Variants in NKAIN3 observed in about 807,000 individuals in gnomAD.
The protein encoded by NKAIN3 is sodium/potassium transporting ATPase interacting 3, also known as sodium/potassium-transporting ATPase subunit beta-1-interacting protein 3.
In NKAIN3, 25 loss-of-function variants were observed where a neutral mutation model predicts 30.2. That is an observed-to-expected ratio of 0.83 (90% CI 0.60 to 1.16). NKAIN3 has a LOEUF of 1.16. Ranked by LOEUF, NKAIN3 falls within the 50% of genes most tolerant of loss-of-function variation. The pLI is 0.00. For missense variants in NKAIN3, 225 were observed against 254.1 expected (o/e 0.89, Z 0.78); for synonymous variants, 91 against 89.6 (o/e 1.02, Z -0.09).
Position 62,978,952 on chromosome 8 carries a change from C to T in NKAIN3, c.*13545C>T, listed in dbSNP as rs953179469. 6.5e-6 allele frequency: 1 copy of T among 152,938 alleles called. No homozygotes were observed. The highest frequency in any genetic ancestry group is 2.4e-5 in the African/African-American group (1 of 41,398). 9.5% of individuals were successfully genotyped at this position (152,938 alleles called of 1,614,324 possible). On this transcript the variant is annotated 3_prime_UTR_variant, in exon 7 of 7. Transcript: ENST00000623646. Reference sequence around the variant, plus strand: ...TCACGGCATGGTCCCTCATGGCTTCCCTTGGCTAGGGGAGGGAGTTCCCCA... The same window carrying T: ...TCACGGCATGGTCCCTCATGGCTTCTCTTGGCTAGGGGAGGGAGTTCCCCA...
chr8:62,553,596 G>T (rs1229737088), intron 1 of NKAIN3, among the ~76,000 whole-genome samples: 1 of 151,368 alleles, frequency 6.6e-6, no homozygotes, highest in Non-Finnish European at 1.5e-5. Context: ...GAGTACAGTG[G>T]CGCGATCTCG....
rs1563652418 is a variant in NKAIN3 at position 62,977,347 on chromosome 8, G to C, written c.*11940G>C. Among the ~76,000 whole-genome samples the C allele has an allele frequency of 6.6e-6, 1 of 151,842 alleles. No individual in the cohort carries two copies. Among genetic ancestry groups the C allele is most frequent in the African/African-American group, 2.4e-5 (1 of 41,324 alleles). On this transcript the variant is annotated 3_prime_UTR_variant, in exon 7 of 7. Coordinates refer to ENST00000623646, the MANE Select transcript of NKAIN3 (RefSeq NM_001304533.3). ...AGGTACACCAATCAAACGTTGGCTT[G>C]GTCTTTTCACATAGTCCCATATTTC...
Position 62,309,795 on chromosome 8 carries a change from C to G in NKAIN3, c.54+60668C>G, listed in dbSNP as rs147374702. 2.0e-3 allele frequency among the ~76,000 whole-genome samples: 296 copies of G among 150,468 alleles called. 3 individuals are homozygous for G. Among genetic ancestry groups the G allele is most frequent in the Middle Eastern group, 3.4e-3 (1 of 294 alleles). On this transcript the variant is annotated intron_variant, in intron 1 of 6. Coordinates refer to ENST00000623646, the MANE Select transcript of NKAIN3 (RefSeq NM_001304533.3). ...AAGGACTCTTAGATCTTTGAAGCAG[C>G]CATGATAGCTTATAGTGAAACTTTT... is the stretch of plus-strand genomic sequence containing the variant.
intron 4 of NKAIN3, among the ~76,000 whole-genome samples, chr8:62,890,855 T>G (rs559508193): frequency 3.3e-5 from 5 of 152,368 alleles, no homozygotes; most frequent in Middle Eastern, 3.4e-3. Context: ...CCGCACCATT[T>G]GCTAATGTGG....
intron 1 of NKAIN3, among the ~76,000 whole-genome samples, chr8:62,450,077 A>G (rs1329930540): frequency 1.3e-5 from 2 of 152,224 alleles, no homozygotes. Context: ...TGCTAAAAAC[A>G]TACATAAGGA....
chr8:62,729,987 C>T (rs752984456), intron 3 of NKAIN3, among the ~76,000 whole-genome samples: 14 of 152,072 alleles, frequency 9.2e-5, no homozygotes, highest in Non-Finnish European at 1.6e-4. Flanking sequence ...TAAGATTGGC[C>T]GTTGTCCTGC....
chr8:62,295,997 C>A (rs1169933335), intron 1 of NKAIN3, among the ~76,000 whole-genome samples: 1 of 152,160 alleles, frequency 6.6e-6, no homozygotes, highest in Admixed American at 6.5e-5. Flanking sequence ...TAAAGCTAGT[C>A]CATATTTTTG....
intron 3 of NKAIN3, among the ~76,000 whole-genome samples, chr8:62,673,254 A>G (rs1221025686): frequency 6.6e-6 from 1 of 152,246 alleles, no homozygotes; most frequent in East Asian, 1.9e-4. Flanking sequence ...ATGTCTAAAG[A>G]CAATGGCAAT....
intron 6 of NKAIN3, among the ~76,000 whole-genome samples, chr8:62,958,850 A>G (rs527448582): frequency 6.6e-6 from 1 of 152,324 alleles, no homozygotes; most frequent in Non-Finnish European, 1.5e-5. Flanking sequence ...AGTTTATCAA[A>G]GAAGGACAGC....
chr8:62,951,881 A>T (rs1256332850), intron 5 of NKAIN3, among the ~76,000 whole-genome samples: 1 of 151,906 alleles, frequency 6.6e-6, no homozygotes, highest in Non-Finnish European at 1.5e-5. Context: ...GCTCACTGCA[A>T]CCTCCATCTC....
At chr8:62,530,595 T>A (rs1219593371) in intron 1 of NKAIN3, among the ~76,000 whole-genome samples, 1 of 152,096 alleles carries the variant, frequency 6.6e-6, no homozygotes, top group East Asian at 1.9e-4. Context: ...CTACTCTGCA[T>A]TTCCTGGTAC....
chr8:62,911,338 A>G (rs1228996777), intron 4 of NKAIN3, among the ~76,000 whole-genome samples: 1 of 152,146 alleles, frequency 6.6e-6, no homozygotes, highest in Non-Finnish European at 1.5e-5. Context: ...TGTGGGATTT[A>G]ACTTACCTGA....
At chr8:62,802,191 C>G (rs1169649145) in intron 4 of NKAIN3, among the ~76,000 whole-genome samples, 1 of 152,168 alleles carries the variant, frequency 6.6e-6, no homozygotes, top group Non-Finnish European at 1.5e-5. Context: ...TTGGAAAACA[C>G]AGTGCAGGAT....
chr8:62,623,258 A>G (rs528781708), intron 3 of NKAIN3, among the ~76,000 whole-genome samples: 1 of 152,204 alleles, frequency 6.6e-6, no homozygotes, highest in African/African-American at 2.4e-5. Flanking sequence ...GAGGTCTTTG[A>G]CCAACCAAGG....
chr8:62,545,374 C>G (rs1199081927), intron 1 of NKAIN3, among the ~76,000 whole-genome samples: 1 of 152,140 alleles, frequency 6.6e-6, no homozygotes, highest in South Asian at 2.1e-4. Context: ...TCATTTGAGG[C>G]CAGGAGTTCA....
chr8:62,314,997 T>C (rs1814565552), intron 1 of NKAIN3, among the ~76,000 whole-genome samples: 1 of 152,148 alleles, frequency 6.6e-6, no homozygotes, highest in Admixed American at 6.6e-5. Flanking sequence ...TGTGCTCAGC[T>C]TATAGGACTT....
chr8:62,536,268 C>T (rs186324535), intron 1 of NKAIN3, among the ~76,000 whole-genome samples: 7 of 152,154 alleles, frequency 4.6e-5, no homozygotes, highest in East Asian at 1.9e-4. Flanking sequence ...AAAAGCAATG[C>T]GGGCAAGCTC....
intron 1 of NKAIN3, among the ~76,000 whole-genome samples, chr8:62,292,783 C>A (rs907922507): frequency 1.3e-5 from 2 of 152,148 alleles, no homozygotes; most frequent in African/African-American, 4.8e-5. Context: ...GTTGGCCTGC[C>A]TCACTAGGTT....
intron 1 of NKAIN3, among the ~76,000 whole-genome samples, chr8:62,521,173 C>T (rs939190654): frequency 1.3e-5 from 2 of 151,888 alleles, no homozygotes; most frequent in South Asian, 4.2e-4. Context: ...AGTTGCAGGC[C>T]TTCCTGAAGG....
Sources: allele counts gnomAD v4.1 joint callset (sites outside exome capture counted in the v4.1 genomes callset), GRCh38; gene constraint gnomAD v4.1.1; transcripts MANE v1.5; gene names NCBI Gene and HGNC (gene_info 2026-07-23, HGNC 2026-07-21).